PKNOX2: variants seen among roughly 807,000 people sequenced by gnomAD.
The protein encoded by PKNOX2 is PBX/knotted 1 homeobox 2, also known as homeobox protein PKNOX2.
Under a neutral mutation model 53.1 loss-of-function variants are expected in PKNOX2, and 14 were observed. That is an observed-to-expected ratio of 0.26 (90% CI 0.17 to 0.41). The LOEUF (loss-of-function observed/expected upper bound fraction) is 0.41. PKNOX2 is among the 10% of genes least tolerant of loss of function. The pLI, the probability that PKNOX2 is intolerant of heterozygous loss-of-function variation, is 1.00. For missense variants in PKNOX2, 496 were observed against 602.8 expected (o/e 0.82, Z 1.85); for synonymous variants, 257 against 242.8 (o/e 1.06, Z -0.54).
chr11:125,360,936 T>G (rs1463886699), intron 4 of PKNOX2, among the ~76,000 whole-genome samples: 1 of 152,168 alleles, frequency 6.6e-6, no homozygotes, highest in African/African-American at 2.4e-5. Context: ...GAGAGCCAAA[T>G]ACAAAGCAGA....
At chr11:125,413,091 C>T (rs536736500) in intron 10 of PKNOX2, among the ~76,000 whole-genome samples, 1 of 152,332 alleles carries the variant, frequency 6.6e-6, no homozygotes, top group South Asian at 2.1e-4. Flanking sequence ...TCCCTCGCCT[C>T]TGGGGGCGTG....
At chr11:125,355,167 T>A (rs549641429) in intron 4 of PKNOX2, among the ~76,000 whole-genome samples, 1 of 150,162 alleles carries the variant, frequency 6.7e-6, no homozygotes, top group East Asian at 2.0e-4. Flanking sequence ...CTTGGGAGGC[T>A]GAGGCAAGGG....
intron 2 of PKNOX2, chr11:125,277,518 G>A (rs1473992927): frequency 6.6e-6 from 1 of 152,240 alleles, no homozygotes; most frequent in Non-Finnish European, 1.5e-5. Flanking sequence ...GTTTTTGAAA[G>A]AAGAAAGAGA....
chr11:125,267,184 G>T (rs1164596181), intron 2 of PKNOX2, among the ~76,000 whole-genome samples: 1 of 152,186 alleles, frequency 6.6e-6, no homozygotes, highest in African/African-American at 2.4e-5. Context: ...CAACCTGTGA[G>T]GTTGGGAAGC....
chr11:125,357,974 T>C (rs1276228964), intron 4 of PKNOX2, among the ~76,000 whole-genome samples: 3 of 152,204 alleles, frequency 2.0e-5, no homozygotes, highest in Admixed American at 6.5e-5. Flanking sequence ...ACAGAGTTCC[T>C]GTCCTCTTGG....
intron 2 of PKNOX2, among the ~76,000 whole-genome samples, chr11:125,255,438 G>A (rs1944337778): frequency 6.6e-6 from 1 of 152,162 alleles, no homozygotes; most frequent in Admixed American, 6.5e-5. Flanking sequence ...GGGTCCTGAG[G>A]CCCTTGACCC....
intron 6 of PKNOX2, among the ~76,000 whole-genome samples, chr11:125,390,333 T>C (rs1218202894): frequency 6.6e-6 from 1 of 152,142 alleles, no homozygotes; most frequent in Non-Finnish European, 1.5e-5. Flanking sequence ...AGGAATCAAA[T>C]ACAGTGCAAG....
At chr11:125,290,734 C>A (rs1385353083) in intron 2 of PKNOX2, among the ~76,000 whole-genome samples, 2 of 152,170 alleles carry the variant, frequency 1.3e-5, no homozygotes, top group Admixed American at 1.3e-4. Flanking sequence ...TCATTCTCTG[C>A]CCTCAGGATG....
At chr11:125,193,488 G>A (rs1957000858) in intron 1 of PKNOX2, among the ~76,000 whole-genome samples, 1 of 152,150 alleles carries the variant, frequency 6.6e-6, no homozygotes, top group African/African-American at 2.4e-5. Flanking sequence ...GTGTGCATGT[G>A]TGCATACAAG....
chr11:125,250,438 C>A (rs957588525), intron 2 of PKNOX2, among the ~76,000 whole-genome samples: 3 of 152,138 alleles, frequency 2.0e-5, no homozygotes, highest in African/African-American at 7.2e-5. Flanking sequence ...AAGTCCCAGG[C>A]CTTGTATCAT....
intron 6 of PKNOX2, among the ~76,000 whole-genome samples, chr11:125,393,003 A>G (rs921630860): frequency 1.3e-5 from 2 of 150,564 alleles, no homozygotes; most frequent in African/African-American, 2.5e-5. Context: ...CTAAAAATAC[A>G]TAAAAAAAAA....
At chr11:125,262,951 C>A (rs1944991863) in intron 2 of PKNOX2, among the ~76,000 whole-genome samples, 1 of 152,206 alleles carries the variant, frequency 6.6e-6, no homozygotes, top group African/African-American at 2.4e-5. Context: ...CTCGCCCTCC[C>A]CGAGGTTGTG....
intron 1 of PKNOX2, among the ~76,000 whole-genome samples, chr11:125,234,254 T>C (rs1293308098): frequency 6.6e-6 from 1 of 152,226 alleles, no homozygotes; most frequent in Non-Finnish European, 1.5e-5. Flanking sequence ...CAACTTCGTA[T>C]ACAGTCTGGC....
chr11:125,368,945 C>G (rs1225706405), intron 5 of PKNOX2, among the ~76,000 whole-genome samples: 1 of 152,222 alleles, frequency 6.6e-6, no homozygotes, highest in East Asian at 1.9e-4. Context: ...CATGCATCAG[C>G]AAGTGTGGCT....
rs1952499108 is a variant in PKNOX2, at chr11:125,370,966, G to A, written c.227+2981G>A. Among the ~76,000 whole-genome samples, 1 of 152,176 alleles carries A rather than the reference G, an allele frequency of 6.6e-6. No individual in the cohort carries two copies. The highest frequency in any genetic ancestry group is 2.1e-4 in the South Asian group (1 of 4,826). Reference sequence around the variant, plus strand: ...GGAAGGGTGGGTGTGGCCCCTCCCTGCCTAGGACACTGCTCGGTGGCAGAG... The same window carrying A: ...GGAAGGGTGGGTGTGGCCCCTCCCTACCTAGGACACTGCTCGGTGGCAGAG... On this transcript the variant is annotated intron_variant, in intron 5 of 12. Transcript: ENST00000298282. This position sits in a 1 kb window ranked among gnomAD's most constrained non-coding sequence, Gnocchi z 4.1.
In PKNOX2 at chr11:125,429,701, C is replaced by T. The variant is rs551629243; in HGVS notation, c.1014-262C>T. On this transcript the variant is annotated intron_variant, in intron 11 of 12. Transcript: ENST00000298282. ...CCTATGACTACCATGCTCTCCTCCT[C>T]CGTTCAACCTGGAAGGTCTTGAGCA... 3.3e-5 allele frequency among the ~76,000 whole-genome samples: 5 copies of T among 152,326 alleles called. No homozygotes were observed. The East Asian group carries it at 9.6e-4, about 29-fold the overall frequency.
chr11:125,410,370 A>T (rs1474369450), intron 8 of PKNOX2, 45 bp downstream of exon 8: 1 of 1,610,544 alleles, frequency 6.2e-7, no homozygotes, highest in South Asian at 1.1e-5. Flanking sequence ...ATTCCCTGGG[A>T]GGAGAAAGGG....
At chr11:125,228,892 G>A (rs996930070) in intron 1 of PKNOX2, among the ~76,000 whole-genome samples, 2 of 152,124 alleles carry the variant, frequency 1.3e-5, no homozygotes, top group African/African-American at 2.4e-5. Flanking sequence ...TTGATAGGAG[G>A]AATGGGATGG....
At chr11:125,279,417 A>C (rs557163586) in intron 2 of PKNOX2, among the ~76,000 whole-genome samples, 7 of 152,360 alleles carry the variant, frequency 4.6e-5, no homozygotes, top group Admixed American at 3.3e-4. Context: ...GAGACCCGAG[A>C]AGTATTTTAA....
Sources: allele counts gnomAD v4.1 joint callset (sites outside exome capture counted in the v4.1 genomes callset), GRCh38; gene constraint gnomAD v4.1.1; non-coding constraint Gnocchi (gnomAD v3.1); transcripts MANE v1.5; gene names NCBI Gene and HGNC (gene_info 2026-07-23, HGNC 2026-07-21).